FHIT: variants seen among roughly 807,000 people sequenced by gnomAD.
The protein encoded by FHIT is fragile histidine triad diadenosine triphosphatase, also known as bis(5'-adenosyl)-triphosphatase.
In FHIT, 19 loss-of-function variants were observed where a neutral mutation model predicts 17.9. The observed-to-expected ratio is 1.06, with a 90% confidence interval of 0.74 to 1.56. FHIT has a LOEUF of 1.56. FHIT is among the 40% of genes most tolerant of loss of function. The probability of loss-of-function intolerance (pLI) is 0.00; values close to 1 mark genes in which losing one functional copy is unlikely to be tolerated. For synonymous variants in FHIT, 81 were observed against 69.7 expected, an observed-to-expected ratio of 1.16 and a Z score of -0.81; for missense variants, 248 against 189.2, an observed-to-expected ratio of 1.31 and a Z score of -1.82.
chr3:60,608,312 ACACTCTCATT>A (rs2038674371), intron 4 of FHIT, among the ~76,000 whole-genome samples: 1 of 151,956 alleles, frequency 6.6e-6, no homozygotes, highest in Admixed American at 6.6e-5. Flanking sequence ...GTAAACACAA[ACACTCTCATT>A]CTCTAGCTGT....
chr3:60,610,413 G>C (rs1421776755), intron 4 of FHIT, among the ~76,000 whole-genome samples: 1 of 152,094 alleles, frequency 6.6e-6, no homozygotes, highest in Non-Finnish European at 1.5e-5. Flanking sequence ...CATCTGATAT[G>C]ATCACCCTGA....
intron 5 of FHIT, among the ~76,000 whole-genome samples, chr3:60,445,772 C>T (rs2031289609): frequency 6.8e-6 from 1 of 147,936 alleles, no homozygotes; most frequent in South Asian, 2.1e-4. Context: ...TTTCACCAAA[C>T]TAGCAAACTT....
chr3:59,780,132 G>A (rs1702511100), intron 8 of FHIT, among the ~76,000 whole-genome samples: 1 of 152,122 alleles, frequency 6.6e-6, no homozygotes, highest in South Asian at 2.1e-4. Context: ...CAGGATCCCT[G>A]ACAAGTAGGG....
Position 60,948,504 on chromosome 3 carries a change from C to A in FHIT, c.-111+93543G>T, listed in dbSNP as rs114553048. On this transcript the variant is annotated intron_variant, in intron 3 of 9. Coordinates refer to ENST00000492590, the MANE Select transcript of FHIT (RefSeq NM_002012.4). The stretch of plus-strand genomic sequence containing the variant: ...ATATCCTGGTGCTAGACCATTAACA[C>A]TAGTTAACTATTCCAGACTGTGGCC... Among the ~76,000 whole-genome samples, 574 of 152,278 alleles carry A rather than the reference C, an allele frequency of 3.8e-3. 2 individuals are homozygous for A. The highest frequency in any genetic ancestry group is 0.013 in the African/African-American group (537 of 41,554).
At chr3:59,988,959 A>G (rs764417525) in intron 7 of FHIT, among the ~76,000 whole-genome samples, 25 of 152,106 alleles carry the variant, frequency 1.6e-4, no homozygotes, top group Admixed American at 3.3e-4. Flanking sequence ...TTTCAGCTCA[A>G]TGAATACAAA....
intron 4 of FHIT, among the ~76,000 whole-genome samples, chr3:60,672,376 G>T (rs1432201971): frequency 6.6e-6 from 1 of 151,430 alleles, no homozygotes; most frequent in East Asian, 1.9e-4. Flanking sequence ...GTCAAAGGGG[G>T]TTTGTTCTCT....
intron 7 of FHIT, among the ~76,000 whole-genome samples, chr3:59,997,856 TAAA>T (rs1699577977): frequency 6.6e-6 from 1 of 152,178 alleles, no homozygotes; most frequent in African/African-American, 2.4e-5. Flanking sequence ...AGTGGGGTGA[TAAA>T]TATAAGCCCT....
chr3:61,043,385 C>G (rs1254699689), intron 2 of FHIT, among the ~76,000 whole-genome samples: 1 of 152,194 alleles, frequency 6.6e-6, no homozygotes, highest in Non-Finnish European at 1.5e-5. Flanking sequence ...GTTAGCACAG[C>G]AGTCTGAGAT....
intron 3 of FHIT, among the ~76,000 whole-genome samples, chr3:60,925,718 C>T (rs1383194376): frequency 1.3e-5 from 2 of 152,078 alleles, no homozygotes; most frequent in East Asian, 3.8e-4. Context: ...CAATATTAAC[C>T]TTAAATGTAA....
chr3:60,128,895 A>G (rs1207198291), intron 5 of FHIT, among the ~76,000 whole-genome samples: 1 of 152,140 alleles, frequency 6.6e-6, no homozygotes, highest in Admixed American at 6.5e-5. Flanking sequence ...TGCACATAAT[A>G]GACATTCATT....
At chr3:60,284,220 G>A (rs974032827) in intron 5 of FHIT, among the ~76,000 whole-genome samples, 2 of 152,036 alleles carry the variant, frequency 1.3e-5, no homozygotes, top group African/African-American at 2.4e-5. Context: ...CTTATTTCTC[G>A]AAAATGGATG....
At chr3:60,919,278 G>T (rs1553767723) in intron 3 of FHIT, among the ~76,000 whole-genome samples, 2 of 152,042 alleles carry the variant, frequency 1.3e-5, no homozygotes. Flanking sequence ...AAGACAGCAA[G>T]AAATATGGCA....
At chr3:59,772,164 C>T (rs1011275666) in intron 8 of FHIT, among the ~76,000 whole-genome samples, 1 of 152,204 alleles carries the variant, frequency 6.6e-6, no homozygotes, top group African/African-American at 2.4e-5. Flanking sequence ...TCTGCATTCA[C>T]TAATCTACAT....
At chr3:61,220,601 GTCTT>G (rs2039810882) in intron 1 of FHIT, among the ~76,000 whole-genome samples, 2 of 152,144 alleles carry the variant, frequency 1.3e-5, no homozygotes, top group South Asian at 2.1e-4. Context: ...GTAGGTGAAA[GTCTT>G]TCTATTTGAC....
At chr3:59,881,163 C>T (rs1467125710) in intron 8 of FHIT, among the ~76,000 whole-genome samples, 1 of 152,194 alleles carries the variant, frequency 6.6e-6, no homozygotes, top group Non-Finnish European at 1.5e-5. Flanking sequence ...AATCATGCAA[C>T]TGAATGCTTC....
chr3:60,161,067 T>A (rs1490032470), intron 5 of FHIT, among the ~76,000 whole-genome samples: 1 of 152,202 alleles, frequency 6.6e-6, no homozygotes, highest in African/African-American at 2.4e-5. Flanking sequence ...CCACTTAAAA[T>A]CTGACTTGGC....
chr3:61,067,715 CTT>C, intron 2 of FHIT, among the ~76,000 whole-genome samples: 1 of 152,308 alleles, frequency 6.6e-6, no homozygotes, highest in Non-Finnish European at 1.5e-5. Context: ...TTCAAAGGCA[CTT>C]TTCTCAGTTA....
chr3:60,236,296 C>T (rs1704792442), intron 5 of FHIT, among the ~76,000 whole-genome samples: 1 of 148,168 alleles, frequency 6.7e-6, no homozygotes, highest in Non-Finnish European at 1.5e-5. Context: ...CCCTTGAGGA[C>T]AAAGATAGCA....
chr3:59,786,529 G>A lies in FHIT; in HGVS notation c.349-34208C>T, dbSNP rs561354789. ...GAACTGTGTCAGACGTGCGATGCGT[G>A]ATAAAATACTACGGTAATGTGGAAT... On this transcript the variant is annotated intron_variant, in intron 8 of 9. Transcript: ENST00000492590. Among the ~76,000 whole-genome samples the A allele has an allele frequency of 2.0e-5, 3 of 152,342 alleles. No homozygotes were observed. In the South Asian group the frequency reaches 6.2e-4, roughly 32 times the overall value.
Sources: allele counts gnomAD v4.1 joint callset (sites outside exome capture counted in the v4.1 genomes callset), GRCh38; gene constraint gnomAD v4.1.1; transcripts MANE v1.5; gene names NCBI Gene and HGNC (gene_info 2026-07-23, HGNC 2026-07-21).